OR4N2: variants seen among roughly 807,000 people sequenced by gnomAD.
The protein encoded by OR4N2 is olfactory receptor 4N2.
For missense variants in OR4N2, 307 were observed against 377.6 expected (o/e 0.81, Z 1.55); for synonymous variants, 141 against 140.4 (o/e 1.00, Z -0.03).
At chr14:19,825,897 A>C (rs1304681430) in intron 1 of OR4N2, among the ~76,000 whole-genome samples, 1 of 152,218 alleles carries the variant, frequency 6.6e-6, no homozygotes, top group Non-Finnish European at 1.5e-5. Context: ...TGTTTAGTTA[A>C]ATCATATTAA....
chr14:19,826,130 C>T (rs1879691667), intron 1 of OR4N2, among the ~76,000 whole-genome samples: 1 of 152,206 alleles, frequency 6.6e-6, no homozygotes, highest in South Asian at 2.1e-4. Context: ...ATGTTATACA[C>T]CGACTAAATA....
chr14:19,811,289 C>T (rs1481051725), intron 1 of OR4N2, among the ~76,000 whole-genome samples: 1 of 152,186 alleles, frequency 6.6e-6, no homozygotes, highest in Non-Finnish European at 1.5e-5. Context: ...CTCTGTCACC[C>T]AGGCTGGAGT....
At chr14:19,810,536 C>CA (rs1297875694) in intron 1 of OR4N2, among the ~76,000 whole-genome samples, 1 of 152,204 alleles carries the variant, frequency 6.6e-6, no homozygotes, top group Non-Finnish European at 1.5e-5. Flanking sequence ...GACATATGCA[C>CA]ACATATGTTC....
intron 1 of OR4N2, among the ~76,000 whole-genome samples, chr14:19,816,631 C>T (rs1273335772): frequency 1.5e-4 from 23 of 152,222 alleles, no homozygotes; most frequent in African/African-American, 5.5e-4. Context: ...ACAATCATGT[C>T]ATCTGCAAAC....
At chr14:19,821,282 A>G (rs142996678) in intron 1 of OR4N2, among the ~76,000 whole-genome samples, 466 of 152,230 alleles carry the variant, frequency 3.1e-3, no homozygotes, top group African/African-American at 5.1e-3. Context: ...AGTCCCAATG[A>G]GATGAGCTGG....
intron 1 of OR4N2, chr14:19,822,191 T>C (rs1299062322): frequency 6.6e-6 from 1 of 152,298 alleles, no homozygotes; most frequent in Non-Finnish European, 1.5e-5. Context: ...TCCATCTGCA[T>C]TTAATGCTTG....
intron 1 of OR4N2, among the ~76,000 whole-genome samples, chr14:19,804,615 G>A (rs1409837122): frequency 1.3e-5 from 2 of 152,308 alleles, no homozygotes; most frequent in East Asian, 1.9e-4. Flanking sequence ...TTTTATGATC[G>A]ATTGTGTGGC....
intron 1 of OR4N2, among the ~76,000 whole-genome samples, chr14:19,823,015 A>T (rs10146327): frequency 0.28 from 42,124 of 148,696 alleles, 2,992 homozygotes; most frequent in African/African-American, 0.33. Flanking sequence ...AGGCCATTTA[A>T]TCTGGCCATC....
Position 19,828,162 on chromosome 14 carries a change from C to T in OR4N2, c.714C>T (p.Ser238=), listed in dbSNP as rs1358709322. The change falls in exon 2 of 2, where the codon TCC becomes TCT. Residue 238 remains serine, a synonymous_variant. Coordinates refer to ENST00000557677, the MANE Select transcript of OR4N2 (RefSeq NM_001004723.3). ...CTGAGGCAAAAAACAAGGCCATGTC[C>T]ACGTGCATCACCCATATCATTGTTA... ...SSSEAKNKAM[S]TCITHIIVIF... is the part of the protein sequence containing the mutation. The T allele has an allele frequency of 6.2e-7, 1 of 1,614,244 alleles. No individual in the cohort carries two copies. The highest frequency in any genetic ancestry group is 1.1e-5 in the South Asian group (1 of 91,088).
At chr14:19,806,736 C>T (rs573878046) in intron 1 of OR4N2, among the ~76,000 whole-genome samples, 2 of 152,286 alleles carry the variant, frequency 1.3e-5, no homozygotes, top group South Asian at 4.1e-4. Flanking sequence ...ACAGAACACT[C>T]CACCCAACAA....
At position 19,828,021 on chromosome 14, in the gene OR4N2, C is replaced by A. The variant is rs148127407; in HGVS notation, c.573C>A (p.Asp191Glu). ...AGGTCATCAAGCTGGCCTGCACCGACACATTTGTGGTGGAGCTTCTGATGG... is the reference window on the plus strand; with the variant it reads ...AGGTCATCAAGCTGGCCTGCACCGAAACATTTGTGGTGGAGCTTCTGATGG... ...VPQVIKLACT[D>E]TFVVELLMVF... The change falls in exon 2 of 2, where the codon GAC becomes GAA. Residue 191 changes from aspartate (D) to glutamate (E), a missense_variant. By Grantham distance (45) the Asp-to-Glu change is conservative. Coordinates refer to ENST00000557677, the MANE Select transcript of OR4N2 (RefSeq NM_001004723.3). 1.2e-6 allele frequency: 2 copies of A among 1,614,246 alleles called. No homozygotes were observed. The highest frequency in any genetic ancestry group is 1.7e-6 in the Non-Finnish European group (2 of 1,180,044).
At chr14:19,812,332 T>TTC (rs200339800) in intron 1 of OR4N2, among the ~76,000 whole-genome samples, 46 of 126,032 alleles carry the variant, frequency 3.6e-4, no homozygotes, top group Middle Eastern at 4.6e-3. Context: ...TTCTTTTCTT[T>TTC]TTTTTTTTTT....
At chr14:19,825,139 T>G (rs1879659832) in intron 1 of OR4N2, among the ~76,000 whole-genome samples, 1 of 152,272 alleles carries the variant, frequency 6.6e-6, no homozygotes, top group Non-Finnish European at 1.5e-5. Flanking sequence ...TTGTGTGTGT[T>G]TGTATGTATT....
chr14:19,811,156 T>C (rs1388376200), intron 1 of OR4N2, among the ~76,000 whole-genome samples: 3 of 152,264 alleles, frequency 2.0e-5, no homozygotes, highest in Non-Finnish European at 4.4e-5. Context: ...AGTATTACCC[T>C]GATACCAAAA....
Position 19,827,512 on chromosome 14 carries a change from G to C in OR4N2, c.64G>C (p.Asp22His). The change falls in exon 2 of 2, where the codon GAT becomes CAT. Residue 22 changes from aspartate (D) to histidine (H), a missense_variant. Asp to His is a moderately conservative substitution (Grantham distance 81). Transcript: ENST00000557677. The stretch of plus-strand genomic sequence containing the variant: ...CCTCCTTGGTCTGACCCAGTCTCAA[G>C]ATATTCAGCTCCTGGTCTTTGTGCT... ...FILLGLTQSQ[D>H]IQLLVFVLVL... 6.2e-7 allele frequency: 1 copy of C among 1,613,538 alleles called. No homozygotes were observed. The highest frequency in any genetic ancestry group is 1.1e-5 in the South Asian group (1 of 90,990).
chr14:19,828,053 A>G lies in OR4N2; in HGVS notation c.605A>G (p.Asn202Ser), dbSNP rs146143071. 1,638 of 1,613,680 alleles carry G rather than the reference A, an allele frequency of 1.0e-3. No homozygotes were observed. The highest frequency in any genetic ancestry group is 1.3e-3 in the Non-Finnish European group (1,487 of 1,179,526). Residue 202 changes from asparagine (N) to serine (S), a missense_variant, in exon 2 of 2, where the codon AAC (asparagine) becomes AGC (serine). Transcript: ENST00000557677. Reference sequence around the variant, plus strand: ...GTGGTGGAGCTTCTGATGGTCTTCAACAGTGGCCTGATGACACTCCTGTGC... The same window carrying G: ...GTGGTGGAGCTTCTGATGGTCTTCAGCAGTGGCCTGATGACACTCCTGTGC... ...TFVVELLMVFNSGLMTLLCFL... is the reference protein window; with the variant it reads ...TFVVELLMVFSSGLMTLLCFL...
intron 1 of OR4N2, among the ~76,000 whole-genome samples, chr14:19,816,409 T>G (rs1299318674): frequency 6.6e-6 from 1 of 152,278 alleles, no homozygotes; most frequent in Non-Finnish European, 1.5e-5. Context: ...GAAGAGGTCC[T>G]TCATATCCCT....
At chr14:19,816,482 T>A (rs989841304) in intron 1 of OR4N2, among the ~76,000 whole-genome samples, 3 of 152,266 alleles carry the variant, frequency 2.0e-5, no homozygotes, top group Non-Finnish European at 2.9e-5. Context: ...AGTTAACTCA[T>A]GATTTGGCTG....
At chr14:19,815,655 G>GTTTTTTTTTTTTTTTTTTTTTTTTTTT (rs59019427) in intron 1 of OR4N2, among the ~76,000 whole-genome samples, 3 of 138,516 alleles carry the variant, frequency 2.2e-5, no homozygotes, top group Admixed American at 7.1e-5. Context: ...GTTTTTTTTT[G>GTTTTTTTTTTTTTTTTTTTTTTTTTTT]TTTTTTTTTT....
Sources: gnomAD v4.1 joint callset for allele counts (sites outside exome capture counted in the v4.1 genomes callset) on GRCh38, gnomAD v4.1.1 for gene constraint, MANE v1.5 for transcripts, NCBI Gene and HGNC (gene_info 2026-07-23, HGNC 2026-07-21) for gene names.